B3GALT1: variants seen among roughly 807,000 people sequenced by gnomAD.
The protein encoded by B3GALT1 is beta-1,3-galactosyltransferase 1.
Under a neutral mutation model 23.2 loss-of-function variants are expected in B3GALT1, and 10 were observed. The observed-to-expected ratio is 0.43, with a 90% CI of 0.27 to 0.73. B3GALT1 has a LOEUF of 0.73. B3GALT1 is among the 30% of genes least tolerant of loss of function. The pLI is 0.21. For synonymous variants in B3GALT1, 156 were observed against 141.5 expected (o/e 1.10, Z -0.73); for missense variants, 299 against 405.4 (o/e 0.74, Z 2.25).
intron 1 of B3GALT1, among the ~76,000 whole-genome samples, chr2:167,317,308 A>G (rs1696734556): frequency 6.6e-6 from 1 of 152,134 alleles, no homozygotes; most frequent in East Asian, 1.9e-4. Context: ...GGAGTGGACA[A>G]ATCAGGCTTT....
chr2:167,389,169 A>C (rs931534785), intron 1 of B3GALT1, among the ~76,000 whole-genome samples: 1 of 152,162 alleles, frequency 6.6e-6, no homozygotes, highest in Non-Finnish European at 1.5e-5. Flanking sequence ...GCACATGAAT[A>C]TTTTTGATGG....
chr2:167,573,642 C>A (rs2105401898), intron 2 of B3GALT1, among the ~76,000 whole-genome samples: 1 of 151,780 alleles, frequency 6.6e-6, no homozygotes, highest in Non-Finnish European at 1.5e-5. Flanking sequence ...GTATGTTTAT[C>A]TGGAGAATTG....
At chr2:167,564,849 A>G (rs890656602) in intron 2 of B3GALT1, among the ~76,000 whole-genome samples, 3 of 152,238 alleles carry the variant, frequency 2.0e-5, no homozygotes, top group African/African-American at 7.2e-5. Context: ...GCTCAATGAA[A>G]TAAAAGAGGA....
At position 167,839,521 on chromosome 2, in the gene B3GALT1, A is replaced by G. The variant is rs1359512860; in HGVS notation, c.-230+20728A>G. On this transcript the variant is annotated intron_variant, in intron 4 of 4. Coordinates refer to ENST00000392690, the MANE Select transcript of B3GALT1 (RefSeq NM_020981.4). ...GAACTACAAACCACTGCTCAATGAA[A>G]TAAAGGAGGATACAAACAAATGGAA... 1.2e-4 allele frequency among the ~76,000 whole-genome samples: 19 copies of G among 152,054 alleles called. No individual in the cohort carries two copies. The East Asian group carries it at 2.6e-3, about 21-fold the overall frequency.
intron 1 of B3GALT1, among the ~76,000 whole-genome samples, chr2:167,358,244 T>C (rs1234119217): frequency 2.6e-5 from 4 of 152,152 alleles, no homozygotes; most frequent in Admixed American, 2.6e-4. Flanking sequence ...CCCAAAGTCC[T>C]AGAGGTAGAA....
At chr2:167,603,960 CTTAA>C (rs757560140) in intron 2 of B3GALT1, among the ~76,000 whole-genome samples, 2 of 151,556 alleles carry the variant, frequency 1.3e-5, no homozygotes, top group African/African-American at 2.4e-5. Flanking sequence ...ATTTCTGTGG[CTTAA>C]TTGAGTTATC....
At chr2:167,388,618 T>C (rs1333008820) in intron 1 of B3GALT1, among the ~76,000 whole-genome samples, 1 of 152,168 alleles carries the variant, frequency 6.6e-6, no homozygotes, top group East Asian at 1.9e-4. Context: ...GGAAAACAAA[T>C]TGACCCTTGG....
At chr2:167,701,781 A>G (rs997173121) in intron 3 of B3GALT1, among the ~76,000 whole-genome samples, 2 of 152,180 alleles carry the variant, frequency 1.3e-5, no homozygotes, top group Non-Finnish European at 2.9e-5. Flanking sequence ...CAAATTTGGC[A>G]TAACGTTTCC....
chr2:167,668,629 C>G (rs1364841638), intron 3 of B3GALT1, among the ~76,000 whole-genome samples: 1 of 152,174 alleles, frequency 6.6e-6, no homozygotes, highest in African/African-American at 2.4e-5. Context: ...CCCTCCAAGC[C>G]ATGTGGGGGA....
At chr2:167,744,671 A>T (rs1687625819) in intron 3 of B3GALT1, among the ~76,000 whole-genome samples, 1 of 151,846 alleles carries the variant, frequency 6.6e-6, no homozygotes, top group South Asian at 2.1e-4. Context: ...GGCTCACTGC[A>T]ACCTCCACCT....
At chr2:167,405,034 G>C (rs1002620812) in intron 1 of B3GALT1, among the ~76,000 whole-genome samples, 1 of 152,116 alleles carries the variant, frequency 6.6e-6, no homozygotes, top group Non-Finnish European at 1.5e-5. Context: ...ACTGCTGATT[G>C]TACATTTGTT....
At chr2:167,410,130 C>T (rs1698367647) in intron 1 of B3GALT1, among the ~76,000 whole-genome samples, 1 of 152,074 alleles carries the variant, frequency 6.6e-6, no homozygotes, top group Non-Finnish European at 1.5e-5. Context: ...TTTGCAGGGA[C>T]ATGGATGAAC....
chr2:167,643,946 C>G (rs1176678411), intron 2 of B3GALT1, among the ~76,000 whole-genome samples: 1 of 152,168 alleles, frequency 6.6e-6, no homozygotes, highest in Non-Finnish European at 1.5e-5. Context: ...CTTTACCTCT[C>G]TCTGTCTTTC....
intron 3 of B3GALT1, among the ~76,000 whole-genome samples, chr2:167,732,237 A>C (rs7584520): frequency 1.4e-3 from 206 of 152,312 alleles, no homozygotes; most frequent in African/African-American, 4.6e-3. Context: ...AAGAGGCATA[A>C]AATTGTAAAT....
At chr2:167,654,101 A>G (rs1049184737) in intron 3 of B3GALT1, among the ~76,000 whole-genome samples, 1 of 152,152 alleles carries the variant, frequency 6.6e-6, no homozygotes, top group Non-Finnish European at 1.5e-5. Flanking sequence ...GTTGACATCC[A>G]GGCTTCAGCG....
rs146527502 is a variant in B3GALT1 at position 167,306,631 on chromosome 2, T to A, written c.-511+13297T>A. Among the ~76,000 whole-genome samples, 15 of 152,130 alleles carry A rather than the reference T, an allele frequency of 9.9e-5. No individual in the cohort carries two copies. The East Asian group carries it at 2.9e-3, about 29-fold the overall frequency. On this transcript the variant is annotated intron_variant, in intron 1 of 4. Transcript: ENST00000392690. ...TTATATAGGTGAGTTTATCACAGAG[T>A]TTGCATGCAATACAGTGCATGTTGT...
At chr2:167,788,366 G>A (rs1688377503) in intron 3 of B3GALT1, among the ~76,000 whole-genome samples, 2 of 151,912 alleles carry the variant, frequency 1.3e-5, no homozygotes, top group Admixed American at 1.3e-4. Flanking sequence ...ATATATAAGG[G>A]AATCATTCTA....
intron 2 of B3GALT1, among the ~76,000 whole-genome samples, chr2:167,525,327 A>G (rs1683201711): frequency 6.6e-6 from 1 of 151,878 alleles, no homozygotes; most frequent in Non-Finnish European, 1.5e-5. Context: ...CATATTGTCT[A>G]TTTCATTTTT....
At chr2:167,780,128 G>A (rs988164168) in intron 3 of B3GALT1, among the ~76,000 whole-genome samples, 1 of 152,100 alleles carries the variant, frequency 6.6e-6, no homozygotes, top group Non-Finnish European at 1.5e-5. Context: ...AACCTCCACC[G>A]TATTCTAGAG....
Sources: allele counts gnomAD v4.1 joint callset (sites outside exome capture counted in the v4.1 genomes callset), GRCh38; gene constraint gnomAD v4.1.1; transcripts MANE v1.5; gene names NCBI Gene and HGNC (gene_info 2026-07-23, HGNC 2026-07-21).